The following PTDSS1 variants were observed in gnomAD, a reference collection of about 807,000 sequenced individuals.
PTDSS1 encodes PSS-1.
Under a neutral mutation model 70.5 loss-of-function variants are expected in PTDSS1, and 45 were observed. The observed-to-expected ratio is 0.64, with a 90% CI of 0.50 to 0.82. The LOEUF is 0.82. PTDSS1 is among the 40% of genes least tolerant of loss of function. The pLI is 0.00. For missense variants in PTDSS1, 417 were observed against 586.1 expected, an observed-to-expected ratio of 0.71 and a Z score of 2.98; for synonymous variants, 188 against 203.8, an observed-to-expected ratio of 0.92 and a Z score of 0.66.
Position 96,284,695 on chromosome 8 carries a change from C to T in PTDSS1, c.316+542C>T, listed in dbSNP as rs550146637. Among the ~76,000 whole-genome samples the T allele has an allele frequency of 5.3e-5, 8 of 152,156 alleles. No homozygotes were observed. In the South Asian group the frequency reaches 1.7e-3, roughly 32 times the overall value. Reference sequence around the variant, plus strand: ...TTTTGTAGTCTAAATAGTGAAATCACCTAAAGGATTTAAAATGAATCTTCA... The same window carrying T: ...TTTTGTAGTCTAAATAGTGAAATCATCTAAAGGATTTAAAATGAATCTTCA... On this transcript the variant is annotated intron_variant, in intron 3 of 12. Coordinates refer to ENST00000517309, the MANE Select transcript of PTDSS1 (RefSeq NM_014754.3).
At chr8:96,278,971 C>CG (rs1362662386) in intron 2 of PTDSS1, among the ~76,000 whole-genome samples, 6 of 135,564 alleles carry the variant, frequency 4.4e-5, no homozygotes, top group African/African-American at 1.7e-4. Flanking sequence ...ATTCAGCCCC[C>CG]CTTTTTTTTT....
chr8:96,283,006 A>G (rs1020610355), intron 2 of PTDSS1, among the ~76,000 whole-genome samples: 3 of 152,230 alleles, frequency 2.0e-5, no homozygotes, highest in African/African-American at 4.8e-5. Flanking sequence ...CCCAGCAAGC[A>G]TGGGCTATGG....
chr8:96,283,058 C>T (rs1810764891), intron 2 of PTDSS1, among the ~76,000 whole-genome samples: 1 of 152,202 alleles, frequency 6.6e-6, no homozygotes, highest in Non-Finnish European at 1.5e-5. Flanking sequence ...TAAGGGAGTG[C>T]CACTTTGGAT....
chr8:96,319,141 T>C (rs1053455089), intron 9 of PTDSS1, among the ~76,000 whole-genome samples: 1 of 151,912 alleles, frequency 6.6e-6, no homozygotes, highest in Admixed American at 6.6e-5. Context: ...CTTGAACTCC[T>C]GAGTTCAAGT....
intron 9 of PTDSS1, among the ~76,000 whole-genome samples, chr8:96,310,955 G>C (rs527657299): frequency 6.6e-6 from 1 of 152,036 alleles, no homozygotes; most frequent in African/African-American, 2.4e-5. Context: ...TAGTAGAGAT[G>C]GGGTTTCACC....
intron 4 of PTDSS1, among the ~76,000 whole-genome samples, chr8:96,293,027 T>A (rs1237217215): frequency 6.6e-6 from 1 of 152,192 alleles, no homozygotes; most frequent in Non-Finnish European, 1.5e-5. Context: ...GTGGAGATCC[T>A]TCTACATTGG....
chr8:96,270,711 C>T (rs1044325665), intron 1 of PTDSS1, among the ~76,000 whole-genome samples: 2 of 152,136 alleles, frequency 1.3e-5, no homozygotes, highest in African/African-American at 2.4e-5. Flanking sequence ...ATCCAAAGAC[C>T]TCACTGTCTT....
chr8:96,267,545 TA>T (rs1810505561), intron 1 of PTDSS1, among the ~76,000 whole-genome samples: 1 of 152,344 alleles, frequency 6.6e-6, no homozygotes, highest in Non-Finnish European at 1.5e-5. Flanking sequence ...GTTTATCTAA[TA>T]AATACTTTAA....
chr8:96,316,388 A>G (rs1811289294), intron 9 of PTDSS1, among the ~76,000 whole-genome samples: 1 of 152,246 alleles, frequency 6.6e-6, no homozygotes, highest in African/African-American at 2.4e-5. Flanking sequence ...ATACACAGCC[A>G]TAAAAAAGAA....
At chr8:96,276,964 ACG>A (rs145783893) in intron 2 of PTDSS1, among the ~76,000 whole-genome samples, 65 of 127,784 alleles carry the variant, frequency 5.1e-4, no homozygotes, top group African/African-American at 1.8e-3. Flanking sequence ...GGGCACATAC[ACG>A]CGCGCACGCG....
At chr8:96,278,966 GC>G (rs550080828) in intron 2 of PTDSS1, among the ~76,000 whole-genome samples, 1 of 136,864 alleles carries the variant, frequency 7.3e-6, no homozygotes, top group Non-Finnish European at 1.5e-5. Context: ...ACACCATTCA[GC>G]CCCCCTTTTT....
Position 96,262,154 on chromosome 8 carries a change from C to G in PTDSS1, c.114C>G (p.Tyr38Ter). The change falls in exon 1 of 13, where the codon TAC (tyrosine) becomes TAG (stop). Residue 38 changes from tyrosine to a stop codon, truncating the protein, a stop_gained. Coordinates refer to ENST00000517309, the MANE Select transcript of PTDSS1 (RefSeq NM_014754.3). LOFTEE classifies it high-confidence loss of function. This position sits in a 1 kb window ranked among gnomAD's most constrained non-coding sequence, Gnocchi z 4.4. ...QVEDITIDFF[Y>*]RPHTITLLSF... is the part of the protein sequence containing the mutation. Reference sequence around the variant, plus strand: ...AGGACATCACCATTGACTTCTTCTACCGGCCGCATACCATCACCCTGCTCA... The same window carrying G: ...AGGACATCACCATTGACTTCTTCTAGCGGCCGCATACCATCACCCTGCTCA... The G allele has an allele frequency of 6.2e-7, 1 of 1,613,984 alleles. No homozygotes were observed. Among genetic ancestry groups the G allele is most frequent in the Non-Finnish European group, 8.5e-7 (1 of 1,179,850 alleles).
At chr8:96,315,620 A>G (rs1344766702) in intron 9 of PTDSS1, among the ~76,000 whole-genome samples, 1 of 151,962 alleles carries the variant, frequency 6.6e-6, no homozygotes, top group African/African-American at 2.4e-5. Context: ...CTGGCTCCAC[A>G]AGTCGGGGGT....
chr8:96,305,004 A>G (rs1364455379), intron 7 of PTDSS1, among the ~76,000 whole-genome samples: 1 of 152,262 alleles, frequency 6.6e-6, no homozygotes, highest in East Asian at 1.9e-4. Context: ...AATGAAGTTT[A>G]TGCATACAGA....
rs1412317073 is a variant in PTDSS1 at position 96,273,324 on chromosome 8, A to G, written c.205A>G (p.Ile69Val). ...GGATGACTCTGTTCCAGAAGACAAC[A>G]TCTGGAGAGGCATCCTCTCTGTTAT... ...TRDDSVPEDN[I>V]WRGILSVIFF... The change falls in exon 2 of 13, where the codon ATC (isoleucine) becomes GTC (valine). Residue 69 changes from isoleucine to valine, a missense_variant. Transcript: ENST00000517309. The G allele has an allele frequency of 1.9e-6, 3 of 1,611,486 alleles. No individual in the cohort carries two copies. Among genetic ancestry groups the G allele is most frequent in the Non-Finnish European group, 2.5e-6 (3 of 1,179,004 alleles).
chr8:96,329,033 A>C (rs1429153312), intron 10 of PTDSS1, among the ~76,000 whole-genome samples: 1 of 152,156 alleles, frequency 6.6e-6, no homozygotes, highest in Non-Finnish European at 1.5e-5. Context: ...TCTTCTGGAA[A>C]ATGAGGGGCA....
intron 3 of PTDSS1, among the ~76,000 whole-genome samples, chr8:96,286,783 C>T (rs1261188340): frequency 6.6e-6 from 1 of 152,202 alleles, no homozygotes; most frequent in South Asian, 2.1e-4. Flanking sequence ...TCCTTCAAGT[C>T]TCAGTCTAAG....
intron 9 of PTDSS1, among the ~76,000 whole-genome samples, chr8:96,316,074 TC>T (rs961436151): frequency 1.3e-5 from 2 of 152,118 alleles, no homozygotes; most frequent in Admixed American, 1.3e-4. Context: ...TGATTGGAAC[TC>T]CCTCCAGTGG....
chr8:96,299,627 A>G lies in PTDSS1; in HGVS notation c.601-67A>G. ...AAAATAATGTATTGTTAAAAAGGAAATCTATCTATCTGCATGGTACCCCAG... is the reference window on the plus strand; with the variant it reads ...AAAATAATGTATTGTTAAAAAGGAAGTCTATCTATCTGCATGGTACCCCAG... On this transcript the variant is annotated intron_variant, in intron 5 of 12. Transcript: ENST00000517309. 3 of 1,428,464 alleles carry G rather than the reference A, an allele frequency of 2.1e-6. No homozygotes were observed. In the South Asian group the frequency reaches 4.2e-5, roughly 20 times the overall value. 88.5% of individuals were successfully genotyped at this position (1,428,464 alleles called of 1,614,324 possible). A position where few individuals can be genotyped will look rare whatever the true frequency, so the allele number is the denominator to read the frequency against.
Sources: gnomAD v4.1 joint callset for allele counts (sites outside exome capture counted in the v4.1 genomes callset) on GRCh38, gnomAD v4.1.1 for gene constraint, Gnocchi (gnomAD v3.1) non-coding constraint, MANE v1.5 for transcripts, NCBI Gene and HGNC (gene_info 2026-07-23, HGNC 2026-07-21) for gene names.